The following RSRC1 variants were observed in gnomAD, a reference collection of about 807,000 sequenced individuals.
RSRC1 encodes the protein arginine and serine rich coiled-coil 1.
Under a neutral mutation model 49.1 loss-of-function variants are expected in RSRC1, and 39 were observed. The ratio of observed to expected loss-of-function variants is 0.79; its 90% CI spans 0.61 to 1.04. The LOEUF is 1.04. Among genes scored for constraint, RSRC1 ranks in the 50% least tolerant of loss-of-function variants. The pLI, the probability that RSRC1 is intolerant of heterozygous loss-of-function variation, is 0.00. For missense variants in RSRC1, 388 were observed against 402.4 expected, an observed-to-expected ratio of 0.96 and a Z score of 0.31; for synonymous variants, 143 against 130.8, an observed-to-expected ratio of 1.09 and a Z score of -0.63.
chr3:158,284,737 G>A (rs1037016695), intron 4 of RSRC1, among the ~76,000 whole-genome samples: 1 of 152,002 alleles, frequency 6.6e-6, no homozygotes, highest in Non-Finnish European at 1.5e-5. Flanking sequence ...TTTTGATGGG[G>A]TTGTTTGTTT....
chr3:158,249,459 A>G (rs1320171362), intron 4 of RSRC1, among the ~76,000 whole-genome samples: 2 of 152,190 alleles, frequency 1.3e-5, no homozygotes, highest in Non-Finnish European at 2.9e-5. Flanking sequence ...TTGTTGCTGA[A>G]TAGTATTCTA....
At chr3:158,289,469 C>G (rs976204797) in intron 4 of RSRC1, among the ~76,000 whole-genome samples, 13 of 152,114 alleles carry the variant, frequency 8.5e-5, no homozygotes, top group Admixed American at 8.5e-4. Context: ...AAAAAGATAA[C>G]AAAACACTTA....
chr3:158,215,059 C>T (rs1255167701), intron 4 of RSRC1, among the ~76,000 whole-genome samples: 1 of 151,010 alleles, frequency 6.6e-6, no homozygotes, highest in South Asian at 2.1e-4. Context: ...TTTTTTAGCG[C>T]TTTTGTTTGG....
chr3:158,444,644 C>A (rs1273723705), intron 6 of RSRC1, among the ~76,000 whole-genome samples: 1 of 152,052 alleles, frequency 6.6e-6, no homozygotes, highest in African/African-American at 2.4e-5. Context: ...CAACAAAAGC[C>A]AAAATTGACA....
At chr3:158,397,434 G>A (rs1733671501) in intron 6 of RSRC1, among the ~76,000 whole-genome samples, 1 of 152,056 alleles carries the variant, frequency 6.6e-6, no homozygotes, top group African/African-American at 2.4e-5. Context: ...ACATACATAG[G>A]GAGACGGAAA....
intron 6 of RSRC1, among the ~76,000 whole-genome samples, chr3:158,370,985 T>C (rs79546696): frequency 0.016 from 2,468 of 152,036 alleles, 63 homozygotes; most frequent in African/African-American, 0.056. Flanking sequence ...TGCCATTTTA[T>C]TGAGTGCGTT....
At chr3:158,299,143 TAAA>T (rs964060123) in intron 5 of RSRC1, among the ~76,000 whole-genome samples, 1 of 152,060 alleles carries the variant, frequency 6.6e-6, no homozygotes, top group Non-Finnish European at 1.5e-5. Context: ...TTTTCATCAT[TAAA>T]AAATATTTCC....
In RSRC1 at chr3:158,361,085, A is replaced by G. The variant is rs1035232888; in HGVS notation, c.583+6177A>G. 7.9e-5 allele frequency among the ~76,000 whole-genome samples: 12 copies of G among 152,224 alleles called. No homozygotes were observed. The Middle Eastern group carries it at 0.01, about 129-fold the overall frequency. Reference sequence around the variant, plus strand: ...ACCCATGTGGCAGCTTTTCTTGATTAAAGTGGCAGTTGGGGGTGCCTAGGG... The same window carrying G: ...ACCCATGTGGCAGCTTTTCTTGATTGAAGTGGCAGTTGGGGGTGCCTAGGG... On this transcript the variant is annotated intron_variant, in intron 6 of 9. Coordinates refer to ENST00000611884, the MANE Select transcript of RSRC1 (RefSeq NM_001271838.2).
intron 6 of RSRC1, among the ~76,000 whole-genome samples, chr3:158,403,811 A>C (rs1734010859): frequency 6.6e-6 from 1 of 151,750 alleles, no homozygotes; most frequent in East Asian, 1.9e-4. Context: ...GGACCTTATA[A>C]AATTCAGCAT....
At chr3:158,441,450 T>G (rs1223114457) in intron 6 of RSRC1, among the ~76,000 whole-genome samples, 1 of 111,160 alleles carries the variant, frequency 9.0e-6, no homozygotes, top group East Asian at 2.5e-4. Context: ...ATCAGTAGGG[T>G]TTTTTTTTTA....
intron 4 of RSRC1, among the ~76,000 whole-genome samples, chr3:158,230,147 G>A (rs1052310903): frequency 3.9e-5 from 6 of 151,960 alleles, no homozygotes; most frequent in Non-Finnish European, 7.4e-5. Flanking sequence ...GGTATAGCCT[G>A]GTTGTTTTAT....
At chr3:158,399,081 C>G (rs1370589940) in intron 6 of RSRC1, among the ~76,000 whole-genome samples, 2 of 137,014 alleles carry the variant, frequency 1.5e-5, no homozygotes, top group African/African-American at 5.3e-5. Flanking sequence ...TACATGGATT[C>G]TACAATTCTT....
intron 3 of RSRC1, among the ~76,000 whole-genome samples, chr3:158,201,631 T>G (rs1284047963): frequency 6.6e-6 from 1 of 152,214 alleles, no homozygotes. Context: ...ATTACCAGTG[T>G]GCTTTTAATC....
chr3:158,261,549 G>C (rs1161532345), intron 4 of RSRC1, among the ~76,000 whole-genome samples: 1 of 152,218 alleles, frequency 6.6e-6, no homozygotes, highest in Non-Finnish European at 1.5e-5. Context: ...CTCATGGCCT[G>C]TTAGTAATTG....
At chr3:158,238,508 C>T (rs916266430) in intron 4 of RSRC1, among the ~76,000 whole-genome samples, 4 of 152,048 alleles carry the variant, frequency 2.6e-5, no homozygotes, top group Non-Finnish European at 5.9e-5. Flanking sequence ...GGTACTGGTA[C>T]CAAAACAGAG....
In RSRC1 at chr3:158,158,951, A is replaced by G. The variant is rs1455397818; in HGVS notation, c.320+34960A>G. On this transcript the variant is annotated intron_variant, in intron 3 of 9. Coordinates refer to ENST00000611884, the MANE Select transcript of RSRC1 (RefSeq NM_001271838.2). The stretch of plus-strand genomic sequence containing the variant: ...GAGACTCTGTCTCAAAAAAAAAAAA[A>G]AAAAGAAATAGTGTTTTTCCTCACA... Among the ~76,000 whole-genome samples, 4 of 152,100 alleles carry G rather than the reference A, an allele frequency of 2.6e-5. No homozygotes were observed. The East Asian group carries it at 7.7e-4, about 29-fold the overall frequency.
chr3:158,322,195 C>T (rs562204749), intron 5 of RSRC1, among the ~76,000 whole-genome samples: 4 of 152,176 alleles, frequency 2.6e-5, no homozygotes, highest in East Asian at 3.9e-4. Flanking sequence ...GTTTTTATTT[C>T]GTGTTTATTT....
intron 6 of RSRC1, among the ~76,000 whole-genome samples, chr3:158,361,593 T>G (rs1194839172): frequency 2.0e-5 from 3 of 152,218 alleles, no homozygotes; most frequent in Non-Finnish European, 4.4e-5. Flanking sequence ...ATGCCACTCC[T>G]TTGCTCAAAA....
chr3:158,315,106 G>A (rs952340318), intron 5 of RSRC1, among the ~76,000 whole-genome samples: 1 of 151,888 alleles, frequency 6.6e-6, no homozygotes, highest in Admixed American at 6.6e-5. Context: ...TACTTAATGT[G>A]CATATATGAA....
Sources: allele counts gnomAD v4.1 joint callset (sites outside exome capture counted in the v4.1 genomes callset), GRCh38; gene constraint gnomAD v4.1.1; transcripts MANE v1.5; gene names NCBI Gene and HGNC (gene_info 2026-07-23, HGNC 2026-07-21).